WNK3: variants seen among roughly 807,000 people sequenced by gnomAD.
WNK3 encodes the protein WNK lysine deficient protein kinase 3, also known as serine/threonine-protein kinase WNK3.
WNK3 carries 18 observed loss-of-function variants against 116.7 expected under a neutral mutation model. The ratio of observed to expected loss-of-function variants is 0.15; its 90% CI spans 0.11 to 0.23. The LOEUF is 0.23. Ranked by LOEUF, WNK3 falls within the 10% of genes least tolerant of loss-of-function variation. WNK3 has a pLI of 1.00. For missense variants in WNK3, 993 were observed against 1,323.8 expected, an observed-to-expected ratio of 0.75 and a Z score of 3.88; for synonymous variants, 404 against 469.4, an observed-to-expected ratio of 0.86 and a Z score of 1.80.
rs193155003 is a variant in WNK3, at chrX:54,258,478, C to T, written c.2102+796G>A. On this transcript the variant is annotated intron_variant, in intron 11 of 23. Transcript: ENST00000354646. Reference sequence around the variant, plus strand: ...CCTCCCAAGTAGCTGGGATTACAGGCGTACATCACCACACCTGGCTAAATT... The same window carrying T: ...CCTCCCAAGTAGCTGGGATTACAGGTGTACATCACCACACCTGGCTAAATT... Among the ~76,000 whole-genome samples, 511 of 107,912 alleles carry T rather than the reference C, an allele frequency of 4.7e-3. 2 individuals are homozygous for T. The highest frequency in any genetic ancestry group is 0.016 in the African/African-American group (478 of 29,732). 93.7% of individuals were successfully genotyped at this position (107,912 alleles called of 115,157 possible). A position where few individuals can be genotyped will look rare whatever the true frequency, so the allele number is the denominator to read the frequency against.
chrX:54,236,424 G>A (rs1223713112), intron 20 of WNK3, among the ~76,000 whole-genome samples: 1 of 110,702 alleles, frequency 9.0e-6, no homozygotes, highest in East Asian at 2.8e-4. Context: ...TGCCCAGCTG[G>A]CCTGAATTTC....
At chrX:54,214,171 C>T (rs190169493) in intron 22 of WNK3, among the ~76,000 whole-genome samples, 10 of 110,519 alleles carry the variant, frequency 9.0e-5, no homozygotes, top group Middle Eastern at 4.6e-3. Flanking sequence ...TTAGTAGACA[C>T]GGGGTTTTGC....
chrX:54,293,516 G>T (rs996918455), intron 8 of WNK3, among the ~76,000 whole-genome samples, 189 bp from the exon 9 acceptor site: 13 of 111,789 alleles, frequency 1.2e-4, no homozygotes, highest in African/African-American at 4.2e-4. Flanking sequence ...GCAATGAAAT[G>T]TTGACATTGT....
chrX:54,287,727 A>G (rs1557164202), intron 10 of WNK3, among the ~76,000 whole-genome samples: 1 of 111,769 alleles, frequency 8.9e-6, no homozygotes. Flanking sequence ...TTTAGAAAAG[A>G]CCTGAATCAA....
intron 10 of WNK3, among the ~76,000 whole-genome samples, chrX:54,270,479 A>G (rs2068369521): frequency 9.9e-6 from 1 of 101,484 alleles, no homozygotes; most frequent in Non-Finnish European, 2.0e-5. Context: ...GTCTTGGTTC[A>G]ATGCAACTTC....
intron 5 of WNK3, among the ~76,000 whole-genome samples, chrX:54,302,768 T>A (rs1175837474): frequency 1.4e-3 from 109 of 77,479 alleles, no homozygotes; most frequent in Non-Finnish European, 1.4e-3. Flanking sequence ...TTTTTTTTTT[T>A]TTTTTTATTT....
chrX:54,293,010 G>A lies in WNK3; in HGVS notation c.1915C>T (p.Pro639Ser), dbSNP rs781920437. 12 of 1,210,337 alleles carry A rather than the reference G, an allele frequency of 9.9e-6. No homozygotes were observed. The South Asian group carries it at 2.1e-4, about 21-fold the overall frequency. The change falls in exon 10 of 24, where the codon CCG becomes TCG. Residue 639 changes from proline to serine, a missense_variant. By Grantham distance (74) the Pro-to-Ser change is moderately conservative. Coordinates refer to ENST00000354646, the Ensembl canonical transcript of WNK3. ...CCTTGAACCAAAGGCAAAATCTGCG[G>A]CTGAGTCAGCTTTGAATGCTTCTGT...
At chrX:54,272,386 T>C (rs1302723811) in intron 10 of WNK3, among the ~76,000 whole-genome samples, 1 of 108,914 alleles carries the variant, frequency 9.2e-6, no homozygotes, top group Non-Finnish European at 1.9e-5. Context: ...AGTTCGAGGC[T>C]GCAATAAGCT....
At chrX:54,311,267 G>C in exon 3 of WNK3, 1 of 1,205,706 alleles carries the variant, frequency 8.3e-7, no homozygotes. Context: ...AATCTTTGCT[G>C]CTCAGCTTTG....
At chrX:54,304,425 C>CA (rs1293123288) in intron 5 of WNK3, among the ~76,000 whole-genome samples, 1 of 108,596 alleles carries the variant, frequency 9.2e-6, no homozygotes, top group African/African-American at 3.4e-5. Context: ...CCTGTGGTCC[C>CA]AGCTACCAGG....
intron 2 of WNK3, among the ~76,000 whole-genome samples, chrX:54,329,410 G>T (rs782564457): frequency 8.1e-5 from 9 of 111,542 alleles, no homozygotes; most frequent in African/African-American, 2.9e-4. Context: ...AGGCCAAGGC[G>T]GGCAGATCAC....
chrX:54,298,142 G>C (rs782566425), intron 7 of WNK3, 33 bp downstream of exon 7: 20 of 913,449 alleles, frequency 2.2e-5, no homozygotes, highest in Non-Finnish European at 3.0e-5. Context: ...GATACAATAA[G>C]AGGTGAGGGG....
At chrX:54,256,996 G>A (rs189068200) in intron 11 of WNK3, among the ~76,000 whole-genome samples, 1 of 112,208 alleles carries the variant, frequency 8.9e-6, no homozygotes, top group Admixed American at 9.5e-5. Flanking sequence ...ACAGCTAAAA[G>A]TTCTAGAAAT....
intron 22 of WNK3, among the ~76,000 whole-genome samples, chrX:54,228,101 C>T (rs2067862654): frequency 9.1e-6 from 1 of 110,448 alleles, no homozygotes; most frequent in Non-Finnish European, 1.9e-5. Context: ...GGCTGGTCTC[C>T]AACTCCTGGG....
chrX:54,311,180 A>G, exon 3 of WNK3: 2 of 1,192,061 alleles, frequency 1.7e-6, no homozygotes, highest in South Asian at 3.6e-5. Context: ...TTTCCTTTTA[A>G]TATAGATTCC....
chrX:54,201,652 T>C (rs1418037954), intron 23 of WNK3, among the ~76,000 whole-genome samples: 1 of 111,779 alleles, frequency 8.9e-6, no homozygotes, highest in African/African-American at 3.3e-5. Flanking sequence ...GCCCACCACC[T>C]CTTTTTGTAA....
chrX:54,275,415 ATGTGTGTGTGTGTGTGTGTG>A (rs782672834), intron 10 of WNK3, among the ~76,000 whole-genome samples: 112 of 64,430 alleles, frequency 1.7e-3, no homozygotes, highest in African/African-American at 5.2e-3. Context: ...ATAAGTTCAT[ATGTGTGTGTGTGTGTGTGTG>A]TGTGTGTGTG....
At chrX:54,332,922 T>C (rs1350486898) in intron 2 of WNK3, among the ~76,000 whole-genome samples, 1 of 109,857 alleles carries the variant, frequency 9.1e-6, no homozygotes, top group Non-Finnish European at 1.9e-5. Flanking sequence ...GATTTTTTTT[T>C]CTTCCCCTTT....
chrX:54,236,787 C>T, intron 20 of WNK3, 151 bp downstream of exon 20: 1 of 672,186 alleles, frequency 1.5e-6, no homozygotes, highest in Non-Finnish European at 2.1e-6. Context: ...TATATAAGAA[C>T]TTTTTCTCAT....
Sources: gnomAD v4.1 joint callset for allele counts (sites outside exome capture counted in the v4.1 genomes callset) on GRCh38, gnomAD v4.1.1 for gene constraint, MANE v1.5 for transcripts, NCBI Gene and HGNC (gene_info 2026-07-23, HGNC 2026-07-21) for gene names.